The following NTRK2 variants were observed in gnomAD, a reference collection of about 807,000 sequenced individuals.
NTRK2 encodes the protein neurotrophic receptor tyrosine kinase 2, also known as BDNF/NT-3 growth factors receptor.
A neutral mutation model predicts 94.5 loss-of-function variants in NTRK2; 13 were observed. The ratio of observed to expected loss-of-function variants is 0.14; its 90% CI spans 0.09 to 0.22. The LOEUF is 0.22. Ranked by LOEUF, NTRK2 falls within the 10% of genes least tolerant of loss-of-function variation. The pLI, the probability that NTRK2 is intolerant of heterozygous loss-of-function variation, is 1.00. For synonymous variants in NTRK2, 372 were observed against 407.4 expected (o/e 0.91, Z 1.05); for missense variants, 639 against 1,071.2 (o/e 0.60, Z 5.63).
At chr9:85,000,353 G>T in intron 17 of NTRK2, among the ~76,000 whole-genome samples, 1 of 152,088 alleles carries the variant, frequency 6.6e-6, no homozygotes, top group East Asian at 1.9e-4. Flanking sequence ...GTATTACACA[G>T]AATAGTTTCA....
At chr9:84,975,752 A>T (rs1473530877) in intron 17 of NTRK2, among the ~76,000 whole-genome samples, 1 of 147,818 alleles carries the variant, frequency 6.8e-6, no homozygotes, top group South Asian at 2.1e-4. Flanking sequence ...CTTGGTAGGA[A>T]ATATGTGTGA....
chr9:84,796,186 G>A (rs981888188), intron 12 of NTRK2, among the ~76,000 whole-genome samples: 1 of 152,134 alleles, frequency 6.6e-6, no homozygotes. Flanking sequence ...AATGTTATCA[G>A]GGACATTCTG....
chr9:84,989,640 A>G (rs2133303717), intron 17 of NTRK2, among the ~76,000 whole-genome samples: 1 of 152,288 alleles, frequency 6.6e-6, no homozygotes, highest in Middle Eastern at 3.4e-3. Context: ...AGAGTTTTTG[A>G]CCTGCAGTTT....
At chr9:84,685,475 C>G (rs1032746955) in intron 2 of NTRK2, among the ~76,000 whole-genome samples, 1 of 151,686 alleles carries the variant, frequency 6.6e-6, no homozygotes, top group African/African-American at 2.4e-5. Flanking sequence ...TTAGGAACTG[C>G]TTGCCTAGCT....
In NTRK2 at chr9:85,026,139, A is replaced by ATAT. The variant is rs763626550; in HGVS notation, c.*4702_*4703insTAT. On this transcript the variant is annotated 3_prime_UTR_variant, in exon 19 of 19. Transcript: ENST00000277120. ...AAACACAAAGCAAAGCAAAAAAAAAAATATATATATATATATCTGTATATG... is the reference window on the plus strand; with the variant it reads ...AAACACAAAGCAAAGCAAAAAAAAAATATATATATATATATATATCTGTATATG... 103 of 197,300 alleles carry ATAT rather than the reference A, an allele frequency of 5.2e-4. No individual in the cohort carries two copies. The highest frequency in any genetic ancestry group is 7.2e-4 in the Non-Finnish European group (70 of 97,230). 12.2% of individuals were successfully genotyped at this position (197,300 alleles called of 1,614,324 possible). A position where few individuals can be genotyped will look rare whatever the true frequency, so the allele number is the denominator to read the frequency against.
intron 6 of NTRK2, among the ~76,000 whole-genome samples, chr9:84,719,124 G>GA (rs2061896992): frequency 6.6e-6 from 1 of 152,056 alleles, no homozygotes; most frequent in Non-Finnish European, 1.5e-5. Context: ...TGGTATTTAT[G>GA]GTCCATGATG....
chr9:84,974,511 AGCCC>A (rs1391188293), intron 17 of NTRK2, among the ~76,000 whole-genome samples: 6 of 152,210 alleles, frequency 3.9e-5, no homozygotes, highest in Non-Finnish European at 8.8e-5. Context: ...GGAGCCAGAT[AGCCC>A]AAGAGTTTTC....
intron 14 of NTRK2, among the ~76,000 whole-genome samples, chr9:84,927,354 T>G (rs1414541827): frequency 6.6e-6 from 1 of 152,222 alleles, no homozygotes; most frequent in Non-Finnish European, 1.5e-5. Context: ...CTAAAATCTT[T>G]TGTGAATGGA....
intron 14 of NTRK2, among the ~76,000 whole-genome samples, chr9:84,897,679 G>A (rs2076800159): frequency 6.6e-6 from 1 of 152,204 alleles, no homozygotes. Flanking sequence ...TTAGGACCCA[G>A]AAGTGCAGAG....
chr9:84,722,794 T>G (rs2062165367), intron 6 of NTRK2, among the ~76,000 whole-genome samples: 1 of 152,250 alleles, frequency 6.6e-6, no homozygotes, highest in Non-Finnish European at 1.5e-5. Context: ...ATAAAAATGA[T>G]GCTTTGCTGG....
intron 2 of NTRK2, among the ~76,000 whole-genome samples, chr9:84,692,894 G>A (rs949671857): frequency 2.0e-5 from 3 of 152,146 alleles, no homozygotes; most frequent in African/African-American, 4.8e-5. Context: ...GAGCATTAAA[G>A]TCTCTTATGA....
chr9:84,820,330 T>C (rs1629477), intron 12 of NTRK2, among the ~76,000 whole-genome samples: 105,354 of 151,836 alleles, frequency 0.69, 36,606 homozygotes, highest in South Asian at 0.75. Flanking sequence ...CCACCACGCC[T>C]AGCTAATTTT....
intron 2 of NTRK2, among the ~76,000 whole-genome samples, chr9:84,671,579 A>G (rs1408194005): frequency 6.6e-6 from 1 of 152,232 alleles, no homozygotes; most frequent in Non-Finnish European, 1.5e-5. Flanking sequence ...AAAATATGAT[A>G]GTTGGAAGCC....
At chr9:84,874,057 T>C in intron 14 of NTRK2, 1 of 1,064,114 alleles carries the variant, frequency 9.4e-7, no homozygotes, top group Non-Finnish European at 1.1e-6. Context: ...GATCCTAATG[T>C]ATTTGTTCTG....
At chr9:84,880,771 G>A (rs909750467) in intron 14 of NTRK2, among the ~76,000 whole-genome samples, 1 of 152,144 alleles carries the variant, frequency 6.6e-6, no homozygotes, top group Non-Finnish European at 1.5e-5. Flanking sequence ...CTTCTTTACT[G>A]GGCTTGGTAA....
At chr9:84,872,981 A>G in intron 14 of NTRK2, 1 of 1,064,540 alleles carries the variant, frequency 9.4e-7, no homozygotes, top group Non-Finnish European at 1.1e-6. Flanking sequence ...GAGGTTTTGA[A>G]CATATTTGCA....
intron 16 of NTRK2, among the ~76,000 whole-genome samples, chr9:84,950,151 C>T (rs2078730294): frequency 6.6e-6 from 1 of 152,082 alleles, no homozygotes; most frequent in Non-Finnish European, 1.5e-5. Flanking sequence ...AGCGTAGGAG[C>T]GAATGGGGAA....
At chr9:84,715,714 G>A (rs1044118514) in intron 6 of NTRK2, among the ~76,000 whole-genome samples, 16 of 151,978 alleles carry the variant, frequency 1.1e-4, no homozygotes, top group Admixed American at 1.3e-4. Flanking sequence ...TTATCATCTC[G>A]TATAAAAAAT....
At chr9:84,815,990 T>TAAAAAAAAAA (rs34917078) in intron 12 of NTRK2, among the ~76,000 whole-genome samples, 1 of 139,138 alleles carries the variant, frequency 7.2e-6, no homozygotes. Context: ...AGGCAATCCT[T>TAAAAAAAAAA]AAAAAAAAAA....
Sources: gnomAD v4.1 joint callset for allele counts (sites outside exome capture counted in the v4.1 genomes callset) on GRCh38, gnomAD v4.1.1 for gene constraint, MANE v1.5 for transcripts, NCBI Gene and HGNC (gene_info 2026-07-23, HGNC 2026-07-21) for gene names.